MYO5B: variants seen among roughly 807,000 people sequenced by gnomAD.
The protein encoded by MYO5B is myosin VB, also known as unconventional myosin-Vb.
MYO5B carries 143 observed loss-of-function variants against 229.3 expected under a neutral mutation model. The observed-to-expected ratio is 0.62, with a 90% CI of 0.54 to 0.72. MYO5B has a LOEUF of 0.72. MYO5B is among the 30% of genes least tolerant of loss of function. The probability of loss-of-function intolerance (pLI) is 0.00; values close to 1 mark genes in which losing one functional copy is unlikely to be tolerated. For synonymous variants in MYO5B, 918 were observed against 885.2 expected (o/e 1.04, Z -0.66); for missense variants, 2,321 against 2,331.0 (o/e 1.00, Z 0.09).
intron 1 of MYO5B, among the ~76,000 whole-genome samples, chr18:50,081,306 C>G (rs954537751): frequency 1.3e-5 from 2 of 152,186 alleles, no homozygotes; most frequent in East Asian, 3.9e-4. Flanking sequence ...CCCTCCAAGC[C>G]CATGCTCCCA....
At chr18:50,147,276 C>T (rs1053167332) in intron 1 of MYO5B, among the ~76,000 whole-genome samples, 2 of 152,098 alleles carry the variant, frequency 1.3e-5, no homozygotes, top group East Asian at 1.9e-4. Context: ...ACCCTTAGCT[C>T]GCTCCCTTCA....
chr18:50,176,698 T>C (rs2033001630), intron 1 of MYO5B, among the ~76,000 whole-genome samples: 1 of 152,234 alleles, frequency 6.6e-6, no homozygotes, highest in Non-Finnish European at 1.5e-5. Flanking sequence ...GTCTTTCTTT[T>C]TGCAAATTGT....
chr18:49,970,431 A>G (rs2025678720), intron 10 of MYO5B, among the ~76,000 whole-genome samples: 1 of 152,194 alleles, frequency 6.6e-6, no homozygotes, highest in South Asian at 2.1e-4. Context: ...CACTCACCAC[A>G]GTCATGGTGG....
At chr18:50,128,566 G>A (rs2032203851) in intron 1 of MYO5B, among the ~76,000 whole-genome samples, 1 of 152,182 alleles carries the variant, frequency 6.6e-6, no homozygotes, top group African/African-American at 2.4e-5. Flanking sequence ...GCCTAGCTCA[G>A]TGACAGGAAG....
rs114007302 is a variant in MYO5B at position 50,037,041 on chromosome 18, T to C, written c.311-47A>G. 1,746 of 1,611,486 alleles carry C rather than the reference T, an allele frequency of 1.1e-3. 16 individuals are homozygous for C. In the African/African-American group the frequency reaches 0.021, roughly 19 times the overall value. On this transcript the variant is annotated intron_variant, in intron 3 of 39. Coordinates refer to ENST00000285039, the MANE Select transcript of MYO5B (RefSeq NM_001080467.3). ...AGATTCCGACAGCACAGAAGACACC[T>C]GGCATTATTAGCTCAAGGCACCCAT... is the stretch of plus-strand genomic sequence containing the variant.
At chr18:50,084,617 G>A (rs529035515) in intron 1 of MYO5B, among the ~76,000 whole-genome samples, 3 of 152,142 alleles carry the variant, frequency 2.0e-5, no homozygotes, top group Non-Finnish European at 4.4e-5. Context: ...TCAATCCTAA[G>A]CCAAAAGAAC....
At chr18:50,161,876 A>G (rs770618540) in intron 1 of MYO5B, among the ~76,000 whole-genome samples, 1 of 152,264 alleles carries the variant, frequency 6.6e-6, no homozygotes, top group African/African-American at 2.4e-5. Flanking sequence ...GGGGAAAAAC[A>G]GCATGAGTTT....
At chr18:50,001,225 A>G in intron 5 of MYO5B, 30 bp downstream of exon 5, 1 of 1,614,000 alleles carries the variant, frequency 6.2e-7, no homozygotes, top group South Asian at 1.1e-5. Context: ...AGCTCCAGCC[A>G]GGAAGGCCAG....
At chr18:49,848,709 T>A (rs2024162031) in intron 32 of MYO5B, among the ~76,000 whole-genome samples, 1 of 151,398 alleles carries the variant, frequency 6.6e-6, no homozygotes, top group East Asian at 1.9e-4. Flanking sequence ...TGATAGGTCT[T>A]TAGGAGTAAG....
At chr18:50,145,548 G>A (rs998579921) in intron 1 of MYO5B, among the ~76,000 whole-genome samples, 3 of 140,434 alleles carry the variant, frequency 2.1e-5, no homozygotes, top group Admixed American at 1.4e-4. Context: ...ATTTCTCTCA[G>A]GAGCATCCCC....
At chr18:49,849,102 A>G (rs1488932477) in intron 32 of MYO5B, among the ~76,000 whole-genome samples, 1 of 152,060 alleles carries the variant, frequency 6.6e-6, no homozygotes, top group Non-Finnish European at 1.5e-5. Context: ...TCAGAGGGAG[A>G]GAACATTCTA....
chr18:50,077,502 A>AACACACACACACAC (rs60086500), intron 1 of MYO5B, among the ~76,000 whole-genome samples: 97 of 133,602 alleles, frequency 7.3e-4, no homozygotes, highest in East Asian at 3.2e-3. Flanking sequence ...CACACACACA[A>AACACACACACACAC]ACACACACAC....
chr18:50,040,068 A>C (rs2029965807), intron 3 of MYO5B, 75 bp downstream of exon 3: 1 of 1,481,242 alleles, frequency 6.8e-7, no homozygotes, highest in Admixed American at 1.7e-5. Flanking sequence ...AGGACTCCTA[A>C]GCATTTGAGT....
intron 31 of MYO5B, 123 bp from the exon 32 acceptor site, chr18:49,849,783 G>C: frequency 1.3e-6 from 1 of 783,198 alleles, no homozygotes; most frequent in Non-Finnish European, 2.3e-6. Context: ...AAATGCGCCA[G>C]TCAGGGACGC....
At chr18:50,124,188 C>T (rs2144536143) in intron 1 of MYO5B, among the ~76,000 whole-genome samples, 1 of 152,330 alleles carries the variant, frequency 6.6e-6, no homozygotes, top group East Asian at 1.9e-4. Flanking sequence ...ATAAGATGGC[C>T]TCACTTAAAT....
At chr18:49,829,614 C>G (rs1005395939) in intron 39 of MYO5B, among the ~76,000 whole-genome samples, 27 of 152,124 alleles carry the variant, frequency 1.8e-4, no homozygotes, top group Non-Finnish European at 1.0e-4. Context: ...CCAGTATAAC[C>G]CTAATATCAA....
rs151001572 is a variant in MYO5B, at chr18:49,992,339, G to A, written c.705C>T (p.Ile235=). ...QIGFDKRYHI[I]GANMRTYLLE... is the part of the protein sequence containing the mutation. ...AGAGGTAAGTCCTCATGTTGGCCCCGATGATGTGGTACCTTTTGTCAAAGC... is the reference window on the plus strand; with the variant it reads ...AGAGGTAAGTCCTCATGTTGGCCCCAATGATGTGGTACCTTTTGTCAAAGC... Residue 235 remains isoleucine (I), a synonymous_variant, in exon 6 of 40, where the codon ATC becomes ATT. Coordinates refer to ENST00000285039, the MANE Select transcript of MYO5B (RefSeq NM_001080467.3). 1.8e-5 allele frequency: 29 copies of A among 1,614,168 alleles called. No homozygotes were observed. Among genetic ancestry groups the A allele is most frequent in the Admixed American group, 5.0e-5 (3 of 60,024 alleles).
intron 8 of MYO5B, 139 bp from the exon 9 acceptor site, chr18:49,980,692 G>C: frequency 1.5e-6 from 1 of 686,716 alleles, no homozygotes; most frequent in Non-Finnish European, 2.6e-6. Context: ...AATGATCCAG[G>C]CTCCTCACCA....
intron 1 of MYO5B, among the ~76,000 whole-genome samples, chr18:50,100,937 T>C (rs537061267): frequency 1.1e-4 from 16 of 152,288 alleles, no homozygotes; most frequent in Non-Finnish European, 1.5e-5. Context: ...AATGAAAACC[T>C]AGAACTTCAG....
Sources: gnomAD v4.1 joint callset for allele counts (sites outside exome capture counted in the v4.1 genomes callset) on GRCh38, gnomAD v4.1.1 for gene constraint, MANE v1.5 for transcripts, NCBI Gene and HGNC (gene_info 2026-07-23, HGNC 2026-07-21) for gene names.